Variants in GUCY1A1 observed in about 807,000 individuals in gnomAD.
GUCY1A1 encodes the protein guanylate cyclase soluble subunit alpha-1.
GUCY1A1 carries 48 observed loss-of-function variants against 64.5 expected under a neutral mutation model. The observed-to-expected ratio is 0.74, with a 90% CI of 0.59 to 0.95. GUCY1A1 has a LOEUF of 0.95. Among genes scored for constraint, GUCY1A1 ranks in the 40% least tolerant of loss-of-function variants. The pLI is 0.00. For missense variants in GUCY1A1, 804 were observed against 825.3 expected (o/e 0.97, Z 0.32); for synonymous variants, 308 against 303.4 (o/e 1.02, Z -0.16).
chr4:155,725,825 T>C (rs1202879177), intron 9 of GUCY1A1, among the ~76,000 whole-genome samples: 1 of 152,102 alleles, frequency 6.6e-6, no homozygotes, highest in Admixed American at 6.6e-5. Context: ...ATTCACTGTA[T>C]TGGCAATGTT....
intron 2 of GUCY1A1, among the ~76,000 whole-genome samples, chr4:155,690,468 ATTAG>A (rs1238028809): frequency 6.6e-6 from 1 of 152,114 alleles, no homozygotes; most frequent in African/African-American, 2.4e-5. Flanking sequence ...TCTCTTGCTT[ATTAG>A]TTATTTAGTT....
At chr4:155,698,605 C>T (rs1447538665) in intron 3 of GUCY1A1, among the ~76,000 whole-genome samples, 1 of 152,134 alleles carries the variant, frequency 6.6e-6, no homozygotes, top group African/African-American at 2.4e-5. Context: ...AAGTCATACA[C>T]ATATTGGACT....
intron 2 of GUCY1A1, among the ~76,000 whole-genome samples, chr4:155,680,321 C>T (rs951098770): frequency 2.0e-5 from 3 of 151,946 alleles, no homozygotes. Flanking sequence ...AATTATTTTC[C>T]AGTATTTGTG....
chr4:155,718,236 G>A lies in GUCY1A1; in HGVS notation c.1716+934G>A, dbSNP rs1041710313. On this transcript the variant is annotated intron_variant, in intron 8 of 9. Coordinates refer to ENST00000506455, the MANE Select transcript of GUCY1A1 (RefSeq NM_001130682.3). ...TTTGAGGTATTGTAAAATCTTATCC[G>A]GTATGCTATAAAACATATAGAGAAG... Among the ~76,000 whole-genome samples, 5 of 151,856 alleles carry A rather than the reference G, an allele frequency of 3.3e-5. No individual in the cohort carries two copies. The East Asian group carries it at 5.8e-4, about 18-fold the overall frequency.
At chr4:155,691,445 T>C (rs1446667276) in intron 2 of GUCY1A1, among the ~76,000 whole-genome samples, 1 of 152,232 alleles carries the variant, frequency 6.6e-6, no homozygotes, top group Non-Finnish European at 1.5e-5. Context: ...GTAATATTTT[T>C]CAATTTTTGA....
chr4:155,679,456 A>G (rs1278514890), intron 2 of GUCY1A1, among the ~76,000 whole-genome samples: 1 of 152,206 alleles, frequency 6.6e-6, no homozygotes, highest in Non-Finnish European at 1.5e-5. Flanking sequence ...CACTCATGGC[A>G]GAAGGTGAAG....
chr4:155,710,789 G>C lies in GUCY1A1; in HGVS notation c.624G>C (p.Lys208Asn). ...TACATGTTTACTACTTCTTCCCTAA[G>C]AGAACCACCTCCCTGATTCTTCCCG... Reference protein sequence around the residue: ...DFLHVYYFFPKRTTSLILPGI... With the variant: ...DFLHVYYFFPNRTTSLILPGI... Residue 208 changes from lysine (K) to asparagine (N), a missense_variant, in exon 6 of 10, where the codon AAG becomes AAC. Coordinates refer to ENST00000506455, the MANE Select transcript of GUCY1A1 (RefSeq NM_001130682.3). 6.2e-7 allele frequency: 1 copy of C among 1,614,028 alleles called. No homozygotes were observed. The highest frequency in any genetic ancestry group is 8.5e-7 in the Non-Finnish European group (1 of 1,179,936).
chr4:155,695,921 G>A (rs1022603221), intron 2 of GUCY1A1, among the ~76,000 whole-genome samples: 1 of 152,174 alleles, frequency 6.6e-6, no homozygotes, highest in Non-Finnish European at 1.5e-5. Flanking sequence ...GTAACAAATA[G>A]CTAATGATAA....
intron 2 of GUCY1A1, among the ~76,000 whole-genome samples, chr4:155,672,851 T>G (rs1734333830): frequency 1.3e-5 from 2 of 152,364 alleles, no homozygotes; most frequent in African/African-American, 2.4e-5. Flanking sequence ...CCACACATGC[T>G]TTCAATATTT....
rs1733454797 is a variant in GUCY1A1, at chr4:155,667,392, A to G, written c.-140A>G. On this transcript the variant is annotated 5_prime_UTR_variant, in exon 2 of 10. Transcript: ENST00000506455. ...CTGGAGCTGCTAGAGATCCGGAAGC[A>G]CAGCCCCGAGGTGTGCGAAGCCACC... The G allele has an allele frequency of 6.6e-6, 1 of 152,342 alleles. No individual in the cohort carries two copies. The highest frequency in any genetic ancestry group is 2.1e-4 in the South Asian group (1 of 4,834). The allele number at this position is 152,342 out of a possible 1,614,324, so 9.4% of individuals were successfully genotyped here.
Position 155,696,888 on chromosome 4 carries a change from G to T in GUCY1A1, c.21G>T (p.Lys7Asn). The part of the protein sequence containing the change: MFCTKL[K>N]DLKITGECPF... ...ACACCATGTTCTGCACGAAGCTCAA[G>T]GATCTCAAGATCACAGGAGAGTGTC... The change falls in exon 3 of 10, where the codon AAG (lysine) becomes AAT (asparagine). Residue 7 changes from lysine to asparagine, a missense_variant. By Grantham distance (94) the Lys-to-Asn change is moderately conservative (BLOSUM62 0). Transcript: ENST00000506455. The T allele has an allele frequency of 4.3e-6, 7 of 1,613,604 alleles. No individual in the cohort carries two copies. The highest frequency in any genetic ancestry group is 5.9e-6 in the Non-Finnish European group (7 of 1,179,646).
intron 2 of GUCY1A1, among the ~76,000 whole-genome samples, chr4:155,685,273 G>C (rs988580321): frequency 2.4e-4 from 37 of 152,210 alleles, no homozygotes; most frequent in African/African-American, 8.2e-4. Flanking sequence ...TAAAGCAGGA[G>C]TCAGTCAACA....
At chr4:155,727,186 C>A (rs1271468999) in intron 9 of GUCY1A1, among the ~76,000 whole-genome samples, 1 of 151,910 alleles carries the variant, frequency 6.6e-6, no homozygotes, top group Admixed American at 6.6e-5. Context: ...CCTATGAGGA[C>A]ATCTGGGCTG....
chr4:155,708,348 C>A, intron 5 of GUCY1A1, 54 bp downstream of exon 5: 1 of 867,086 alleles, frequency 1.2e-6, no homozygotes, highest in South Asian at 1.5e-5. Flanking sequence ...GTAGAACTCA[C>A]ATTTTCTCCA....
chr4:155,713,538 G>A lies in GUCY1A1; in HGVS notation c.1527G>A (p.Leu509=). 1 of 1,613,972 alleles carries A rather than the reference G, an allele frequency of 6.2e-7. No individual in the cohort carries two copies. The highest frequency in any genetic ancestry group is 8.5e-7 in the Non-Finnish European group (1 of 1,179,894). ...PLQVITMLNA[L]YTRFDQQCGE... is the part of the protein sequence containing the mutation. ...AGGTCATCACCATGCTCAATGCACT[G>A]TACACTCGCTTCGACCAGCAGTGTG... The change falls in exon 7 of 10, where the codon CTG becomes CTA. Residue 509 remains leucine (L), a synonymous_variant. Coordinates refer to ENST00000506455, the MANE Select transcript of GUCY1A1 (RefSeq NM_001130682.3).
chr4:155,692,135 T>G (rs1395149546), intron 2 of GUCY1A1, among the ~76,000 whole-genome samples: 1 of 152,202 alleles, frequency 6.6e-6, no homozygotes, highest in African/African-American at 2.4e-5. Flanking sequence ...TCATTCTTTT[T>G]TATAACTACA....
chr4:155,687,009 C>T (rs1372450366), intron 2 of GUCY1A1, among the ~76,000 whole-genome samples: 1 of 151,946 alleles, frequency 6.6e-6, no homozygotes, highest in Non-Finnish European at 1.5e-5. Context: ...AGATTGCTTT[C>T]TATATTTGTA....
At chr4:155,720,214 G>A (rs988428981) in intron 8 of GUCY1A1, among the ~76,000 whole-genome samples, 1 of 152,040 alleles carries the variant, frequency 6.6e-6, no homozygotes, top group Non-Finnish European at 1.5e-5. Context: ...TATATAATAA[G>A]CTGGAGTAAC....
chr4:155,674,079 G>T, intron 2 of GUCY1A1, among the ~76,000 whole-genome samples: 1 of 151,222 alleles, frequency 6.6e-6, no homozygotes, highest in East Asian at 1.9e-4. Flanking sequence ...GCTATGGCCG[G>T]GCGTGGTGGC....
Sources: gnomAD v4.1 joint callset for allele counts (sites outside exome capture counted in the v4.1 genomes callset) on GRCh38, gnomAD v4.1.1 for gene constraint, MANE v1.5 for transcripts, NCBI Gene and HGNC (gene_info 2026-07-23, HGNC 2026-07-21) for gene names.